REC114: variants seen among roughly 807,000 people sequenced by gnomAD.
REC114 encodes the protein meiotic recombination protein REC114.
Under a neutral mutation model 31.3 loss-of-function variants are expected in REC114, and 27 were observed. The ratio of observed to expected loss-of-function variants is 0.86; its 90% CI spans 0.64 to 1.19. The LOEUF (loss-of-function observed/expected upper bound fraction) is 1.19, where lower values mean the gene tolerates loss of function less well. Ranked by LOEUF, REC114 falls within the 50% of genes most tolerant of loss-of-function variation. REC114 has a pLI of 0.00. For synonymous variants in REC114, 134 were observed against 127.7 expected (o/e 1.05, Z -0.33); for missense variants, 344 against 326.9 (o/e 1.05, Z -0.40).
In REC114 at chr15:73,468,775, T is replaced by C. The variant is rs568275346; in HGVS notation, c.160-5057T>C. ...TTTAAAATCAGGAATAGATGTTGGA[T>C]TTTGTCAAATGTTTTTTCTGCATTC... On this transcript the variant is annotated intron_variant, in intron 1 of 5. Transcript: ENST00000331090. 1.5e-3 allele frequency among the ~76,000 whole-genome samples: 228 copies of C among 152,174 alleles called. 1 individual carries two copies. The highest frequency in any genetic ancestry group is 5.1e-3 in the African/African-American group (213 of 41,526).
At chr15:73,456,698 T>C (rs561487935) in intron 1 of REC114, among the ~76,000 whole-genome samples, 1 of 152,190 alleles carries the variant, frequency 6.6e-6, no homozygotes, top group Non-Finnish European at 1.5e-5. Flanking sequence ...ATACCCATTT[T>C]ATAGATAAGT....
chr15:73,504,034 T>A (rs1237190222), intron 2 of REC114, among the ~76,000 whole-genome samples: 1 of 130,652 alleles, frequency 7.7e-6, no homozygotes, highest in African/African-American at 2.9e-5. Flanking sequence ...GAGATGGGAG[T>A]CTTGCTCTGT....
At chr15:73,448,023 C>T (rs1892791304) in intron 1 of REC114, among the ~76,000 whole-genome samples, 1 of 152,160 alleles carries the variant, frequency 6.6e-6, no homozygotes, top group Admixed American at 6.5e-5. Context: ...GCCTACACCA[C>T]CGAGGGCCCT....
At chr15:73,455,119 T>C (rs922814270) in intron 1 of REC114, among the ~76,000 whole-genome samples, 1 of 152,152 alleles carries the variant, frequency 6.6e-6, no homozygotes. Flanking sequence ...CTGTCATTTT[T>C]TTTTTGGAAA....
intron 2 of REC114, among the ~76,000 whole-genome samples, chr15:73,528,968 T>A (rs1894040778): frequency 6.6e-6 from 1 of 152,020 alleles, no homozygotes; most frequent in Admixed American, 6.6e-5. Context: ...CTTATTTGGA[T>A]CCCTATTCAA....
intron 4 of REC114, among the ~76,000 whole-genome samples, chr15:73,553,917 T>G (rs1894426037): frequency 6.6e-6 from 1 of 152,216 alleles, no homozygotes; most frequent in South Asian, 2.1e-4. Flanking sequence ...GCCCTATTTC[T>G]TAGTAGCTGT....
At chr15:73,453,160 G>A (rs1595859091) in intron 1 of REC114, among the ~76,000 whole-genome samples, 1 of 152,152 alleles carries the variant, frequency 6.6e-6, no homozygotes, top group African/African-American at 2.4e-5. Context: ...AAGAGCTTCT[G>A]CACAGCAAAA....
intron 3 of REC114, among the ~76,000 whole-genome samples, chr15:73,544,017 C>T (rs1287646180): frequency 1.4e-5 from 2 of 138,924 alleles, no homozygotes; most frequent in Non-Finnish European, 3.0e-5. Context: ...GTGATCTCTG[C>T]TCACTGCAGC....
intron 2 of REC114, among the ~76,000 whole-genome samples, chr15:73,478,661 G>T (rs1358433027): frequency 6.6e-6 from 1 of 152,104 alleles, no homozygotes; most frequent in Non-Finnish European, 1.5e-5. Context: ...AAATCAATTT[G>T]AGAAGAATTG....
chr15:73,545,044 A>G (rs1275415576), intron 3 of REC114, among the ~76,000 whole-genome samples: 1 of 152,204 alleles, frequency 6.6e-6, no homozygotes, highest in African/African-American at 2.4e-5. Context: ...CTGTATGGAG[A>G]TGCTATTCAT....
intron 1 of REC114, among the ~76,000 whole-genome samples, chr15:73,446,804 A>T (rs1272689030): frequency 6.6e-6 from 1 of 152,194 alleles, no homozygotes; most frequent in Non-Finnish European, 1.5e-5. Flanking sequence ...GTGCCTTGTG[A>T]ACATTATTAT....
At chr15:73,464,414 C>T (rs1202423304) in intron 1 of REC114, among the ~76,000 whole-genome samples, 5 of 151,884 alleles carry the variant, frequency 3.3e-5, no homozygotes, top group Non-Finnish European at 7.4e-5. Flanking sequence ...GCAGCTTGTT[C>T]CCCCGGGAGC....
intron 2 of REC114, among the ~76,000 whole-genome samples, chr15:73,537,543 T>A (rs1263701393): frequency 6.6e-6 from 1 of 152,212 alleles, no homozygotes; most frequent in Non-Finnish European, 1.5e-5. Flanking sequence ...CCAGACAGGC[T>A]ATGCTGTTTC....
At position 73,556,262 on chromosome 15, in the gene REC114, C is replaced by T. The variant is rs771673836; in HGVS notation, c.547-40C>T. On this transcript the variant is annotated intron_variant, in intron 4 of 5. Coordinates refer to ENST00000331090, the MANE Select transcript of REC114 (RefSeq NM_001042367.2). ...TAATGGCCTTTGGTATTTAAGATTA[C>T]ATTCAGCTAGTCTCCTTATTGCATG... The T allele has an allele frequency of 1.6e-5, 24 of 1,543,226 alleles. No homozygotes were observed. The South Asian group carries it at 2.3e-4, about 15-fold the overall frequency.
At chr15:73,537,062 AC>A (rs1894165200) in intron 2 of REC114, among the ~76,000 whole-genome samples, 1 of 152,228 alleles carries the variant, frequency 6.6e-6, no homozygotes, top group Non-Finnish European at 1.5e-5. Context: ...TTATTGAAGC[AC>A]CTTCTAGTGT....
intron 2 of REC114, among the ~76,000 whole-genome samples, chr15:73,514,053 G>A: frequency 6.6e-6 from 1 of 152,272 alleles, no homozygotes; most frequent in South Asian, 2.1e-4. Flanking sequence ...CCTCGCTGCT[G>A]CCTTGCAGTT....
intron 2 of REC114, among the ~76,000 whole-genome samples, chr15:73,475,423 G>A (rs1009503149): frequency 2.0e-5 from 3 of 152,142 alleles, no homozygotes; most frequent in Non-Finnish European, 4.4e-5. Flanking sequence ...TAGATTATAA[G>A]GGGGCTGAAA....
chr15:73,451,360 C>T (rs1892845381), intron 1 of REC114, among the ~76,000 whole-genome samples: 1 of 152,196 alleles, frequency 6.6e-6, no homozygotes. Flanking sequence ...CACCTCTACA[C>T]AAATAAACTA....
chr15:73,552,284 C>T (rs1003346758), intron 4 of REC114, among the ~76,000 whole-genome samples: 1 of 152,122 alleles, frequency 6.6e-6, no homozygotes, highest in African/African-American at 2.4e-5. Context: ...TGTGTGAGGC[C>T]AGATTTTCTT....
Sources: gnomAD v4.1 joint callset for allele counts (sites outside exome capture counted in the v4.1 genomes callset) on GRCh38, gnomAD v4.1.1 for gene constraint, MANE v1.5 for transcripts, NCBI Gene and HGNC (gene_info 2026-07-23, HGNC 2026-07-21) for gene names.